The following RGS7 variants were observed in gnomAD, a reference collection of about 807,000 sequenced individuals.
The protein encoded by RGS7 is regulator of G-protein signaling 7.
A neutral mutation model predicts 81.1 loss-of-function variants in RGS7; 27 were observed. The ratio of observed to expected loss-of-function variants is 0.33; its 90% CI spans 0.25 to 0.46. RGS7 has a LOEUF of 0.46. RGS7 is among the 20% of genes least tolerant of loss of function. The pLI, the probability that RGS7 is intolerant of heterozygous loss-of-function variation, is 1.00. For missense variants in RGS7, 396 were observed against 607.4 expected (o/e 0.65, Z 3.66); for synonymous variants, 208 against 207.7 (o/e 1.00, Z -0.01).
intron 2 of RGS7, among the ~76,000 whole-genome samples, chr1:241,259,145 CA>C (rs553806815): frequency 2.9e-4 from 44 of 152,114 alleles, no homozygotes; most frequent in Non-Finnish European, 5.0e-4. Context: ...TCTCATGTTC[CA>C]AAAAATTGAC....
intron 2 of RGS7, among the ~76,000 whole-genome samples, chr1:241,190,422 CTT>C (rs1463409901): frequency 1.3e-5 from 2 of 152,016 alleles, no homozygotes; most frequent in Non-Finnish European, 1.5e-5. Flanking sequence ...AGAACTGAGA[CTT>C]TACTATGTCG....
intron 2 of RGS7, among the ~76,000 whole-genome samples, chr1:241,167,711 G>A (rs2070380105): frequency 6.6e-6 from 1 of 151,618 alleles, no homozygotes; most frequent in African/African-American, 2.4e-5. Context: ...GTAGAGACGG[G>A]GTTTCATCAT....
At position 241,021,829 on chromosome 1, in the gene RGS7, G is replaced by T. The variant is rs918610936; in HGVS notation, c.176-38700C>A. ...GAGATTTGAAGCACTAACCACTCGG[G>T]GTCCTATCTTGATAGCCCTGGCTTA... On this transcript the variant is annotated intron_variant, in intron 3 of 18. Transcript: ENST00000440928. Among the ~76,000 whole-genome samples the T allele has an allele frequency of 3.3e-5, 5 of 152,184 alleles. No individual in the cohort carries two copies. The East Asian group carries it at 9.7e-4, about 29-fold the overall frequency.
chr1:240,936,670 T>G lies in RGS7; in HGVS notation c.263A>C (p.His88Pro). 1 of 1,614,126 alleles carries G rather than the reference T, an allele frequency of 6.2e-7. No homozygotes were observed. Among genetic ancestry groups the G allele is most frequent in the Non-Finnish European group, 8.5e-7 (1 of 1,179,986 alleles). The change falls in exon 5 of 19, where the codon CAC becomes CCC. Residue 88 changes from histidine (H) to proline (P), a missense_variant. Coordinates refer to ENST00000440928, the MANE Select transcript of RGS7 (RefSeq NM_001364886.1). ...ALHLGTLMAAHGYFFPISDHV... is the reference protein window; with the variant it reads ...ALHLGTLMAAPGYFFPISDHV... ...ATCTGAGATTGGAAAGAAGTAGCCG[T>G]GGGCAGCCATTAATGTTCCCAAATG...
At chr1:240,871,393 A>G (rs166370) in intron 6 of RGS7, among the ~76,000 whole-genome samples, 61,592 of 151,988 alleles carry the variant, frequency 0.41, 14,739 homozygotes, top group African/African-American at 0.67. Flanking sequence ...CAGAAAATTT[A>G]AGACCGGTGC....
chr1:241,207,038 G>A (rs546358705), intron 2 of RGS7, among the ~76,000 whole-genome samples: 10 of 136,676 alleles, frequency 7.3e-5, no homozygotes, highest in African/African-American at 1.3e-4. Flanking sequence ...GTGCGATCTG[G>A]GCTCCCTGCA....
At chr1:241,329,950 T>C (rs2081867480) in intron 2 of RGS7, among the ~76,000 whole-genome samples, 1 of 152,162 alleles carries the variant, frequency 6.6e-6, no homozygotes, top group African/African-American at 2.4e-5. Context: ...TTTTTTGTTT[T>C]TTGTTTTTGA....
At chr1:241,095,041 T>A (rs879934178) in intron 3 of RGS7, among the ~76,000 whole-genome samples, 36 of 152,154 alleles carry the variant, frequency 2.4e-4, no homozygotes, top group Non-Finnish European at 4.3e-4. Context: ...AAATTTTTTT[T>A]AAAAAGTCAT....
intron 4 of RGS7, among the ~76,000 whole-genome samples, chr1:240,952,221 G>C (rs923558279): frequency 2.0e-5 from 3 of 151,726 alleles, no homozygotes; most frequent in Admixed American, 6.6e-5. Flanking sequence ...AAGAAATAAA[G>C]GTAAAACAAA....
Position 241,204,742 on chromosome 1 carries a change from A to G in RGS7, c.79-105980T>C, listed in dbSNP as rs143023542. Among the ~76,000 whole-genome samples, 195 of 151,992 alleles carry G rather than the reference A, an allele frequency of 1.3e-3. 2 individuals are homozygous for G. Among genetic ancestry groups the G allele is most frequent in the African/African-American group, 4.6e-3 (191 of 41,516 alleles). ...GAATGAGCCTATGAAAAGCAATGTT[A>G]ATGATGGCACACTCTGGGGTTTTCA... On this transcript the variant is annotated intron_variant, in intron 2 of 18. Transcript: ENST00000440928.
intron 6 of RGS7, among the ~76,000 whole-genome samples, chr1:240,900,090 T>G (rs1437832894): frequency 2.6e-5 from 4 of 152,222 alleles, no homozygotes; most frequent in African/African-American, 9.6e-5. Context: ...CTATTGAAGC[T>G]TGTGTATGTG....
At chr1:241,085,916 C>T (rs1460762580) in intron 3 of RGS7, among the ~76,000 whole-genome samples, 2 of 152,176 alleles carry the variant, frequency 1.3e-5, no homozygotes, top group Non-Finnish European at 2.9e-5. Flanking sequence ...TACTTACAAG[C>T]GGTCTTTATG....
intron 2 of RGS7, among the ~76,000 whole-genome samples, chr1:241,118,555 G>A (rs1056214169): frequency 1.3e-5 from 2 of 151,994 alleles, no homozygotes; most frequent in African/African-American, 4.8e-5. Flanking sequence ...TTTACCCAAG[G>A]AAATCATTTT....
chr1:241,288,165 T>A (rs888867904), intron 2 of RGS7, among the ~76,000 whole-genome samples: 1 of 152,200 alleles, frequency 6.6e-6, no homozygotes, highest in Non-Finnish European at 1.5e-5. Context: ...TGGCAATGCA[T>A]AAGAAATGAA....
chr1:241,252,130 A>T (rs1410117583), intron 2 of RGS7, among the ~76,000 whole-genome samples: 13 of 144,228 alleles, frequency 9.0e-5, no homozygotes, highest in African/African-American at 3.1e-4. Context: ...TGCAACCTCC[A>T]CCTCCCAGGT....
At chr1:241,215,186 T>G (rs981010495) in intron 2 of RGS7, among the ~76,000 whole-genome samples, 1 of 152,234 alleles carries the variant, frequency 6.6e-6, no homozygotes, top group African/African-American at 2.4e-5. Context: ...ATTAAATTAC[T>G]AATGAATCAC....
At chr1:241,060,523 C>T (rs1027683988) in intron 3 of RGS7, among the ~76,000 whole-genome samples, 1 of 152,134 alleles carries the variant, frequency 6.6e-6, no homozygotes. Context: ...ATGCCTCAAA[C>T]CAAGAAACTG....
intron 6 of RGS7, among the ~76,000 whole-genome samples, chr1:240,915,675 C>T (rs1327369202): frequency 6.6e-6 from 1 of 152,006 alleles, no homozygotes; most frequent in Non-Finnish European, 1.5e-5. Context: ...TACATCACAT[C>T]CTACTGTCAA....
chr1:241,305,853 T>C, intron 2 of RGS7: 1 of 312,126 alleles, frequency 3.2e-6, no homozygotes, highest in Non-Finnish European at 6.4e-6. Flanking sequence ...TTGTGGCCTT[T>C]GTTGAGGCCC....
Sources: allele counts gnomAD v4.1 joint callset (sites outside exome capture counted in the v4.1 genomes callset), GRCh38; gene constraint gnomAD v4.1.1; transcripts MANE v1.5; gene names NCBI Gene and HGNC (gene_info 2026-07-23, HGNC 2026-07-21).